RGS14: variants seen among roughly 807,000 people sequenced by gnomAD.
RGS14 encodes the protein regulator of G protein signaling 14, also known as regulator of G-protein signaling 14.
A neutral mutation model predicts 63.8 loss-of-function variants in RGS14; 33 were observed. That is an observed-to-expected ratio of 0.52 (90% CI 0.39 to 0.69). The LOEUF is 0.69. Ranked by LOEUF, RGS14 falls within the 30% of genes least tolerant of loss-of-function variation. The pLI is 0.00. For missense variants in RGS14, 739 were observed against 742.9 expected (o/e 0.99, Z 0.06); for synonymous variants, 296 against 320.9 (o/e 0.92, Z 0.83).
Position 177,371,678 on chromosome 5 carries a change from G to A in RGS14, c.1498+89G>A, listed in dbSNP as rs1341175060. The A allele has an allele frequency of 5.0e-6, 7 of 1,391,790 alleles. No individual in the cohort carries two copies. Among genetic ancestry groups the A allele is most frequent in the Non-Finnish European group, 7.1e-6 (7 of 989,676 alleles). 86.2% of individuals were successfully genotyped at this position (1,391,790 alleles called of 1,614,324 possible). A position where few individuals can be genotyped will look rare whatever the true frequency, so the allele number is the denominator to read the frequency against. On this transcript the variant is annotated intron_variant, in intron 14 of 14. Transcript: ENST00000408923. The surrounding 1 kb of genome is among the most constrained non-coding windows in gnomAD (Gnocchi z 6.1). ...TGGCATCAGAGAGCCTTGAGCTAAG[G>A]CAGGGGGCTGGGTGCCACTGGGCGT...
chr5:177,368,367 C>G, intron 8 of RGS14, 101 bp downstream of exon 8: 1 of 1,253,934 alleles, frequency 8.0e-7, no homozygotes, highest in African/African-American at 1.5e-5. Flanking sequence ...GTCCTTACTG[C>G]GTCTCCCAGC....
rs1043807818 is a variant in RGS14 at position 177,359,724 on chromosome 5, G to A, written c.45+1655G>A. Among the ~76,000 whole-genome samples the A allele has an allele frequency of 1.3e-5, 2 of 152,254 alleles. No homozygotes were observed. The highest frequency in any genetic ancestry group is 2.4e-5 in the African/African-American group (1 of 41,464). ...ACCTCTTAGAATCCCGAGGGTCACA[G>A]ATTGGCTGCCTGCTGGTCACTGAGT... On this transcript the variant is annotated intron_variant, in intron 1 of 14. Transcript: ENST00000408923. The surrounding 1 kb of genome is among the most constrained non-coding windows in gnomAD (Gnocchi z 4.4).
chr5:177,365,272 A>C (rs1762062491), intron 1 of RGS14, among the ~76,000 whole-genome samples: 1 of 152,110 alleles, frequency 6.6e-6, no homozygotes, highest in Non-Finnish European at 1.5e-5. Flanking sequence ...AGCTCACTGC[A>C]ACCTCTGCCT....
chr5:177,371,069 CGGGCCGGGGCCGGGGCCG>C lies in RGS14; in HGVS notation c.1255-57_1255-40del, dbSNP rs551154915. The C allele has an allele frequency of 0.075, 44,118 of 590,774 alleles. 2,597 individuals carry two copies. The highest frequency in any genetic ancestry group is 0.16 in the African/African-American group (4,744 of 28,922). 36.6% of individuals were successfully genotyped at this position (590,774 alleles called of 1,614,324 possible). Reference sequence around the variant, plus strand: ...GCCGCGGGGCGGGGCGGGGCGGGGCCGGGCCGGGGCCGGGGCCGGGGCCGGGGCCGGGGCCGGGGCCGG... The same window carrying C: ...GCCGCGGGGCGGGGCGGGGCGGGGCCGGGCCGGGGCCGGGGCCGGGGCCGG... On this transcript the variant is annotated intron_variant, in intron 11 of 14. Coordinates refer to ENST00000408923, the MANE Select transcript of RGS14 (RefSeq NM_006480.5). This position sits in a 1 kb window ranked among gnomAD's most constrained non-coding sequence, Gnocchi z 6.1.
At chr5:177,367,369 C>T (rs1371242331) in intron 5 of RGS14, 45 bp from the exon 6 acceptor site, 4 of 1,548,302 alleles carry the variant, frequency 2.6e-6, no homozygotes, top group East Asian at 4.8e-5. Flanking sequence ...CAGCCCAGCG[C>T]CCCCACCCCA....
intron 6 of RGS14, 45 bp from the exon 7 acceptor site, chr5:177,367,669 G>T: frequency 6.3e-7 from 1 of 1,597,462 alleles, no homozygotes; most frequent in Non-Finnish European, 8.5e-7. Flanking sequence ...GTCTGCATGC[G>T]GGCTGGGGCC....
chr5:177,371,075 G>C lies in RGS14; in HGVS notation c.1254+44G>C, dbSNP rs777005835. On this transcript the variant is annotated intron_variant, in intron 11 of 14. Coordinates refer to ENST00000408923, the MANE Select transcript of RGS14 (RefSeq NM_006480.5). This position sits in a 1 kb window ranked among gnomAD's most constrained non-coding sequence, Gnocchi z 6.1. The stretch of plus-strand genomic sequence containing the variant: ...GGGCGGGGCGGGGCGGGGCCGGGCC[G>C]GGGCCGGGGCCGGGGCCGGGGCCGG... 62 of 176,728 alleles carry C rather than the reference G, an allele frequency of 3.5e-4. 1 individual carries two copies. The African/African-American group carries it at 5.1e-3, about 15-fold the overall frequency. The allele number at this position is 176,728 out of a possible 1,614,324, so 10.9% of individuals were successfully genotyped here. A position where few individuals can be genotyped will look rare whatever the true frequency, so the allele number is the denominator to read the frequency against.
chr5:177,358,082 TC>T lies in RGS14; in HGVS notation c.45+15del. On this transcript the variant is annotated intron_variant, in intron 1 of 14. Transcript: ENST00000408923. This position sits in a 1 kb window ranked among gnomAD's most constrained non-coding sequence, Gnocchi z 4.8. ...CAACGGGCGCATGGTGAGTGTGGGC[TC>T]CGGGCCAGGGCCACGAGGAGGGGGT... The T allele has an allele frequency of 7.5e-7, 1 of 1,340,356 alleles. No homozygotes were observed. The highest frequency in any genetic ancestry group is 9.7e-7 in the Non-Finnish European group (1 of 1,035,550). The allele number at this position is 1,340,356 out of a possible 1,614,324, so 83.0% of individuals were successfully genotyped here. A position where few individuals can be genotyped will look rare whatever the true frequency, so the allele number is the denominator to read the frequency against.
rs772627372 is a variant in RGS14 at position 177,371,451 on chromosome 5, G to A, written c.1384-24G>A. ...CCTCTGCTTCTCCCCTCCCGATTTTGGCTCTGACCCCAAATTCTCGCAGGG... is the reference window on the plus strand; with the variant it reads ...CCTCTGCTTCTCCCCTCCCGATTTTAGCTCTGACCCCAAATTCTCGCAGGG... On this transcript the variant is annotated intron_variant, in intron 13 of 14. Transcript: ENST00000408923. The surrounding 1 kb of genome is among the most constrained non-coding windows in gnomAD (Gnocchi z 6.1). The A allele has an allele frequency of 5.0e-6, 8 of 1,613,986 alleles. No homozygotes were observed. The East Asian group carries it at 1.8e-4, about 36-fold the overall frequency.
intron 1 of RGS14, among the ~76,000 whole-genome samples, chr5:177,363,867 C>A (rs1762031242): frequency 6.6e-6 from 1 of 152,216 alleles, no homozygotes. Context: ...CCAGAGGCCT[C>A]TGAGAGGAGT....
chr5:177,367,086 G>C, intron 5 of RGS14, 52 bp downstream of exon 5: 1 of 1,563,702 alleles, frequency 6.4e-7, no homozygotes. Flanking sequence ...AGGAGCAGGG[G>C]CGGGGTCGGA....
chr5:177,365,942 T>C (rs1459936644), intron 1 of RGS14, 21 bp from the exon 2 acceptor site: 1 of 1,613,846 alleles, frequency 6.2e-7, no homozygotes, highest in East Asian at 2.2e-5. Flanking sequence ...CTTCTGACTT[T>C]CTCTGTTGGG....
chr5:177,370,796 G>A (rs1186806815), intron 10 of RGS14, 109 bp from the exon 11 acceptor site: 15 of 1,391,214 alleles, frequency 1.1e-5, no homozygotes, highest in African/African-American at 1.0e-4. Context: ...CCCCCTACAA[G>A]CCAGTCCCAC....
chr5:177,369,214 C>T, intron 9 of RGS14: 1 of 481,660 alleles, frequency 2.1e-6, no homozygotes, highest in Non-Finnish European at 3.8e-6. Context: ...GTCCAGACTC[C>T]CATCCCCACA....
At position 177,358,874 on chromosome 5, in the gene RGS14, A is replaced by G. The variant is rs1245292994; in HGVS notation, c.45+805A>G. On this transcript the variant is annotated intron_variant, in intron 1 of 14. Transcript: ENST00000408923. This position sits in a 1 kb window ranked among gnomAD's most constrained non-coding sequence, Gnocchi z 4.8. Reference sequence around the variant, plus strand: ...GTGTCCTGGCCCACCACCAGGCCCCAGCCTAGTATCACGGGCCAAAGCCAG... The same window carrying G: ...GTGTCCTGGCCCACCACCAGGCCCCGGCCTAGTATCACGGGCCAAAGCCAG... 1.3e-5 allele frequency among the ~76,000 whole-genome samples: 2 copies of G among 152,206 alleles called. No individual in the cohort carries two copies. The highest frequency in any genetic ancestry group is 4.8e-5 in the African/African-American group (2 of 41,448).
chr5:177,371,956 C>T lies in RGS14; in HGVS notation c.1582C>T (p.Pro528Ser), dbSNP rs1166405109. ...GLLRKEDLVL[P>S]EFLQLPAQGP... The stretch of plus-strand genomic sequence containing the variant: ...TCTGAGGAAAGAGGACCTGGTACTT[C>T]CAGAATTTCTGCAGCTGCCCGCCCA... The change falls in exon 15 of 15, where the codon CCA (proline) becomes TCA (serine). Residue 528 changes from proline to serine, a missense_variant. Transcript: ENST00000408923. The surrounding 1 kb of genome is among the most constrained non-coding windows in gnomAD (Gnocchi z 6.1). The T allele has an allele frequency of 6.2e-7, 1 of 1,614,158 alleles. No individual in the cohort carries two copies. The highest frequency in any genetic ancestry group is 8.5e-7 in the Non-Finnish European group (1 of 1,180,014).
intron 8 of RGS14, 100 bp from the exon 9 acceptor site, chr5:177,368,617 G>A: frequency 3.3e-6 from 4 of 1,204,170 alleles, no homozygotes; most frequent in Non-Finnish European, 4.8e-6. Flanking sequence ...GGGAGTGCGT[G>A]TGCATGCTTG....
chr5:177,367,871 T>C, intron 7 of RGS14, 46 bp downstream of exon 7: 2 of 1,498,478 alleles, frequency 1.3e-6, no homozygotes, highest in Non-Finnish European at 1.8e-6. Flanking sequence ...GGCGGGAGTT[T>C]GGTTAAATTT....
chr5:177,371,946 C>A lies in RGS14; in HGVS notation c.1572C>A (p.Asp524Glu), dbSNP rs763198804. ...AGAGGGGCCTTCTGAGGAAAGAGGA[C>A]CTGGTACTTCCAGAATTTCTGCAGC... ...HDQRGLLRKE[D>E]LVLPEFLQLP... Residue 524 changes from aspartate (D) to glutamate (E), a missense_variant, in exon 15 of 15, where the codon GAC (aspartate) becomes GAA (glutamate). Asp to Glu is a conservative substitution (Grantham distance 45). Coordinates refer to ENST00000408923, the MANE Select transcript of RGS14 (RefSeq NM_006480.5). The surrounding 1 kb of genome is among the most constrained non-coding windows in gnomAD (Gnocchi z 6.1). The A allele has an allele frequency of 6.2e-7, 1 of 1,614,134 alleles. No individual in the cohort carries two copies. The highest frequency in any genetic ancestry group is 8.5e-7 in the Non-Finnish European group (1 of 1,180,000).
Sources: allele counts gnomAD v4.1 joint callset (sites outside exome capture counted in the v4.1 genomes callset), GRCh38; gene constraint gnomAD v4.1.1; non-coding constraint Gnocchi (gnomAD v3.1); transcripts MANE v1.5; gene names NCBI Gene and HGNC (gene_info 2026-07-23, HGNC 2026-07-21).